Variants in SVOP observed in about 807,000 individuals in gnomAD.
SVOP encodes the protein SV2 related protein, also known as synaptic vesicle 2-related protein.
Under a neutral mutation model 69.1 loss-of-function variants are expected in SVOP, and 17 were observed. That is an observed-to-expected ratio of 0.25 (90% CI 0.17 to 0.37). The LOEUF is 0.37. Among genes scored for constraint, SVOP ranks in the 10% least tolerant of loss-of-function variants. SVOP has a pLI of 1.00. For synonymous variants in SVOP, 238 were observed against 238.6 expected (o/e 1.00, Z 0.02); for missense variants, 435 against 597.5 (o/e 0.73, Z 2.84).
chr12:108,972,574 C>T, intron 4 of SVOP, 98 bp from the exon 5 acceptor site: 1 of 1,213,974 alleles, frequency 8.2e-7, no homozygotes, highest in Non-Finnish European at 1.2e-6. Context: ...CTCTAGGTAA[C>T]AGCAATGATC....
intron 5 of SVOP, among the ~76,000 whole-genome samples, chr12:108,968,319 A>G (rs896002537): frequency 2.0e-5 from 3 of 151,966 alleles, no homozygotes; most frequent in African/African-American, 4.8e-5. Context: ...TTCCCTCCAC[A>G]CTCTTCAGTC....
At chr12:108,925,840 C>T (rs779391288) in intron 11 of SVOP, among the ~76,000 whole-genome samples, 2 of 152,080 alleles carry the variant, frequency 1.3e-5, no homozygotes, top group Non-Finnish European at 2.9e-5. Context: ...TTGAATTTCA[C>T]CTTCTCATTG....
At chr12:108,937,464 C>T (rs2039863361) in intron 9 of SVOP, 127 bp from the exon 10 acceptor site, 1 of 895,960 alleles carries the variant, frequency 1.1e-6, no homozygotes, top group East Asian at 2.4e-5. Flanking sequence ...CACTGGAGCT[C>T]TGAGAACCCA....
intron 1 of SVOP, among the ~76,000 whole-genome samples, chr12:108,991,972 A>C (rs1325456478): frequency 6.6e-6 from 1 of 152,072 alleles, no homozygotes; most frequent in Non-Finnish European, 1.5e-5. Context: ...AAACCAAAGT[A>C]GGTATTTAGT....
At chr12:109,011,494 C>T (rs1013374322) in intron 1 of SVOP, among the ~76,000 whole-genome samples, 3 of 152,166 alleles carry the variant, frequency 2.0e-5, no homozygotes, top group South Asian at 2.1e-4. Context: ...AGGTCTCAGG[C>T]GGATGGGAGC....
chr12:108,977,340 A>G (rs2040111913), intron 4 of SVOP, 58 bp downstream of exon 4: 2 of 1,514,868 alleles, frequency 1.3e-6, no homozygotes, highest in Admixed American at 2.0e-5. Flanking sequence ...GATATCCCAC[A>G]GGACACCCCA....
intron 5 of SVOP, among the ~76,000 whole-genome samples, chr12:108,961,816 A>G (rs777017429): frequency 1.3e-5 from 2 of 152,220 alleles, no homozygotes; most frequent in Non-Finnish European, 2.9e-5. Flanking sequence ...ATTTTATTTT[A>G]TTAATGACGT....
rs117506987 is a variant in SVOP, at chr12:109,011,547, C to A, written c.35+9287G>T. ...TGTGCCTTTGCCACCTCCTCTGGTC[C>A]TGTGTCTCTATGCAGAGCTTCTCCC... On this transcript the variant is annotated intron_variant, in intron 1 of 15. Coordinates refer to ENST00000610966, the MANE Select transcript of SVOP (RefSeq NM_018711.5). Among the ~76,000 whole-genome samples the A allele has an allele frequency of 2.5e-4, 38 of 152,312 alleles. 1 individual carries two copies. In the East Asian group the frequency reaches 7.2e-3, roughly 29 times the overall value.
intron 6 of SVOP, among the ~76,000 whole-genome samples, chr12:108,948,297 A>G (rs1175078370): frequency 1.3e-5 from 2 of 152,190 alleles, no homozygotes; most frequent in Non-Finnish European, 2.9e-5. Context: ...TTATAGAGGA[A>G]TCTCTGCCCC....
intron 1 of SVOP, among the ~76,000 whole-genome samples, chr12:109,005,502 C>T (rs934847132): frequency 6.6e-6 from 1 of 152,020 alleles, no homozygotes; most frequent in African/African-American, 2.4e-5. Context: ...TTGACATGGT[C>T]CCTGACCTCG....
intron 15 of SVOP, among the ~76,000 whole-genome samples, chr12:108,914,137 C>A (rs536763499): frequency 2.6e-5 from 4 of 152,360 alleles, no homozygotes; most frequent in Admixed American, 6.5e-5. Flanking sequence ...TTCCATTTCT[C>A]TGCAATATTC....
At chr12:108,938,654 C>A (rs902124013) in intron 9 of SVOP, among the ~76,000 whole-genome samples, 173 bp downstream of exon 9, 3 of 152,100 alleles carry the variant, frequency 2.0e-5, no homozygotes, top group African/African-American at 7.2e-5. Context: ...GCCAAATTAC[C>A]CTTGCAGGTC....
intron 11 of SVOP, among the ~76,000 whole-genome samples, chr12:108,931,103 C>T (rs554616882): frequency 6.6e-6 from 1 of 152,272 alleles, no homozygotes; most frequent in South Asian, 2.1e-4. Flanking sequence ...TCAGTCAATA[C>T]CAAACCCTGT....
At chr12:108,941,544 A>G (rs1284501635) in intron 7 of SVOP, among the ~76,000 whole-genome samples, 1 of 151,970 alleles carries the variant, frequency 6.6e-6, no homozygotes, top group South Asian at 2.1e-4. Flanking sequence ...AAAATTTACC[A>G]TCTTAATCAT....
At chr12:108,924,540 G>C (rs2039768920) in intron 11 of SVOP, among the ~76,000 whole-genome samples, 1 of 151,996 alleles carries the variant, frequency 6.6e-6, no homozygotes, top group African/African-American at 2.4e-5. Flanking sequence ...ATTAGAATAG[G>C]ATTGGCCACA....
At chr12:108,919,528 T>G in intron 13 of SVOP, 147 bp downstream of exon 13, 2 of 597,690 alleles carry the variant, frequency 3.3e-6, no homozygotes, top group Non-Finnish European at 5.9e-6. Flanking sequence ...TGTACCCATA[T>G]TCACACCTAC....
chr12:108,911,799 C>T lies in SVOP; in HGVS notation c.*736G>A, dbSNP rs1196243375. 6.6e-6 allele frequency: 1 copy of T among 152,266 alleles called. No homozygotes were observed. The highest frequency in any genetic ancestry group is 1.9e-4 in the East Asian group (1 of 5,190). The allele number at this position is 152,266 out of a possible 1,614,324, so 9.4% of individuals were successfully genotyped here. On this transcript the variant is annotated 3_prime_UTR_variant, in exon 16 of 16. Transcript: ENST00000610966. Reference sequence around the variant, plus strand: ...GGGGAGGCCCGTGCTCTGACTTCAGCTTGATTCACTTTGGCCTCAGTCCTC... The same window carrying T: ...GGGGAGGCCCGTGCTCTGACTTCAGTTTGATTCACTTTGGCCTCAGTCCTC...
At chr12:108,917,978 G>A (rs1183880858) in intron 14 of SVOP, 65 bp downstream of exon 14, 1 of 1,319,862 alleles carries the variant, frequency 7.6e-7, no homozygotes, top group Non-Finnish European at 1.0e-6. Context: ...TGGAAGCAGA[G>A]CATCCCCCAC....
chr12:108,996,551 T>C (rs540636452), intron 1 of SVOP, among the ~76,000 whole-genome samples: 2 of 151,546 alleles, frequency 1.3e-5, no homozygotes, highest in African/African-American at 4.8e-5. Context: ...CAAGACTCCA[T>C]CGAAAAACAA....
Sources: allele counts gnomAD v4.1 joint callset (sites outside exome capture counted in the v4.1 genomes callset), GRCh38; gene constraint gnomAD v4.1.1; transcripts MANE v1.5; gene names NCBI Gene and HGNC (gene_info 2026-07-23, HGNC 2026-07-21).